ADD1: variants seen among roughly 807,000 people sequenced by gnomAD.
The protein encoded by ADD1 is alpha-adducin.
In ADD1, 24 loss-of-function variants were observed where a neutral mutation model predicts 80.5. The observed-to-expected ratio is 0.30, with a 90% CI of 0.22 to 0.42. The LOEUF is 0.42. ADD1 is among the 10% of genes least tolerant of loss of function. ADD1 has a pLI of 1.00. For synonymous variants in ADD1, 373 were observed against 393.8 expected, an observed-to-expected ratio of 0.95 and a Z score of 0.63; for missense variants, 948 against 1,019.0, an observed-to-expected ratio of 0.93 and a Z score of 0.95.
chr4:2,892,939 C>T (rs968188307), intron 4 of ADD1, among the ~76,000 whole-genome samples: 13 of 151,052 alleles, frequency 8.6e-5, no homozygotes, highest in Admixed American at 3.3e-4. Flanking sequence ...TTTTTTGAGA[C>T]AGGGTCTTGT....
chr4:2,926,476 G>A lies in ADD1; in HGVS notation c.2047+364G>A, dbSNP rs1267041188. On this transcript the variant is annotated intron_variant, in intron 15 of 15. Coordinates refer to ENST00000683351, the MANE Select transcript of ADD1 (RefSeq NM_001354761.2). This position sits in a 1 kb window ranked among gnomAD's most constrained non-coding sequence, Gnocchi z 5.0. ...ACGCCGGCTGCCTCTCAGCCACCGT[G>A]TGTCTGTGGTGTGTGATCCCGGGTG... 6.6e-6 allele frequency: 5 copies of A among 754,028 alleles called. No individual in the cohort carries two copies. In the East Asian group the frequency reaches 1.1e-4, roughly 16 times the overall value. 46.7% of individuals were successfully genotyped at this position (754,028 alleles called of 1,614,324 possible).
In ADD1 at chr4:2,905,003, G is replaced by T; in HGVS notation, c.1401G>T (p.Lys467Asn). Residue 467 changes from lysine (K) to asparagine (N), a missense_variant, in exon 10 of 16, where the codon AAG becomes AAT. By Grantham distance (94) the Lys-to-Asn change is moderately conservative. Coordinates refer to ENST00000683351, the MANE Select transcript of ADD1 (RefSeq NM_001354761.2). ...SEEGQNGSSP[K>N]SKTKVWTNIT... ...AAGGGCAGAATGGAAGCAGTCCCAA[G>T]TCGAAGACTAAGGTGTGGACGAACA... 1 of 1,614,210 alleles carries T rather than the reference G, an allele frequency of 6.2e-7. No individual in the cohort carries two copies. The highest frequency in any genetic ancestry group is 8.5e-7 in the Non-Finnish European group (1 of 1,180,046).
At chr4:2,912,247 G>C (rs114142585) in intron 13 of ADD1, among the ~76,000 whole-genome samples, 225 of 152,348 alleles carry the variant, frequency 1.5e-3, no homozygotes, top group African/African-American at 5.0e-3. Context: ...TTGGTTTCTT[G>C]TCTGGGTTGT....
intron 14 of ADD1, among the ~76,000 whole-genome samples, chr4:2,923,557 G>T (rs1440348686): frequency 6.6e-6 from 1 of 152,270 alleles, no homozygotes; most frequent in Non-Finnish European, 1.5e-5. Flanking sequence ...CTCACTGGGA[G>T]CTGCAGATCG....
At chr4:2,890,608 C>T (rs1323650831) in intron 4 of ADD1, among the ~76,000 whole-genome samples, 1 of 152,054 alleles carries the variant, frequency 6.6e-6, no homozygotes, top group Non-Finnish European at 1.5e-5. Flanking sequence ...CAGGGTTTCA[C>T]CATTTTAGCC....
intron 14 of ADD1, among the ~76,000 whole-genome samples, chr4:2,925,708 C>T (rs1022030486): frequency 3.3e-5 from 5 of 152,150 alleles, no homozygotes; most frequent in African/African-American, 7.2e-5. Flanking sequence ...CACAGGACAG[C>T]GGGGGACAGG....
intron 13 of ADD1, among the ~76,000 whole-genome samples, chr4:2,910,661 G>T: frequency 6.6e-6 from 1 of 152,206 alleles, no homozygotes. Flanking sequence ...CCAGAAAGCA[G>T]CCTGGGTCGC....
chr4:2,866,693 G>A (rs1034100182), intron 1 of ADD1, among the ~76,000 whole-genome samples: 1 of 152,138 alleles, frequency 6.6e-6, no homozygotes, highest in Non-Finnish European at 1.5e-5. Context: ...TTGATTTTCT[G>A]TGCTGCAATA....
chr4:2,852,204 T>C (rs3964322), intron 1 of ADD1, among the ~76,000 whole-genome samples: 10,212 of 45,556 alleles, frequency 0.22, 511 homozygotes, highest in Middle Eastern at 0.42. Context: ...CTTTCCTTTC[T>C]TTCCTTTCCT....
chr4:2,866,023 C>T (rs1030241181), intron 1 of ADD1, among the ~76,000 whole-genome samples: 1 of 152,042 alleles, frequency 6.6e-6, no homozygotes, highest in Admixed American at 6.6e-5. Context: ...TGCTCAATTG[C>T]GAGATAGCAT....
intron 1 of ADD1, among the ~76,000 whole-genome samples, chr4:2,856,749 T>G (rs956945967): frequency 1.8e-4 from 27 of 148,442 alleles, no homozygotes; most frequent in African/African-American, 6.7e-4. Flanking sequence ...CACCACCATA[T>G]CTGGCTAATT....
intron 14 of ADD1, among the ~76,000 whole-genome samples, chr4:2,925,651 C>T (rs1412643801): frequency 3.9e-5 from 6 of 152,206 alleles, no homozygotes; most frequent in Non-Finnish European, 8.8e-5. Context: ...GGACCCTCAG[C>T]CACCTGCTCA....
intron 13 of ADD1, among the ~76,000 whole-genome samples, chr4:2,912,583 G>A (rs1484126636): frequency 3.9e-5 from 6 of 152,144 alleles, no homozygotes; most frequent in African/African-American, 1.4e-4. Context: ...CTGGAGTGCA[G>A]TAGTGCAATC....
chr4:2,925,926 G>A (rs752546286), intron 14 of ADD1, 88 bp from the exon 15 acceptor site: 50 of 1,128,504 alleles, frequency 4.4e-5, no homozygotes, highest in Non-Finnish European at 6.1e-5. Context: ...GGGCGGCCGA[G>A]CGGGCTGCCC....
rs148323611 is a variant in ADD1, at chr4:2,909,541, A to G, written c.1791+110A>G. 1.3e-4 allele frequency: 101 copies of G among 749,848 alleles called. 1 individual carries two copies. The highest frequency in any genetic ancestry group is 1.0e-3 in the Admixed American group (43 of 43,044). The allele number at this position is 749,848 out of a possible 1,614,324, so 46.4% of individuals were successfully genotyped here. ...GTCTTAGTTACTGAAGTAGCTTCAA[A>G]TGGATCTTTAACCTGTTTGTGAGAT... On this transcript the variant is annotated intron_variant, in intron 13 of 15. Transcript: ENST00000683351.
intron 4 of ADD1, among the ~76,000 whole-genome samples, chr4:2,887,130 T>G (rs1292600627): frequency 2.0e-5 from 3 of 152,184 alleles, no homozygotes; most frequent in Non-Finnish European, 4.4e-5. Context: ...TAAAAAGAAA[T>G]GCAAGTTACC....
chr4:2,898,982 G>T, intron 8 of ADD1: 1 of 436,002 alleles, frequency 2.3e-6, no homozygotes, highest in Non-Finnish European at 4.1e-6. Context: ...CTTGACTTAT[G>T]TCTGTGGCGT....
chr4:2,854,856 C>A (rs770214827), intron 1 of ADD1: 15 of 152,158 alleles, frequency 9.9e-5, no homozygotes, highest in Non-Finnish European at 1.9e-4. Context: ...TCTCATAGTT[C>A]TGGAGGCCAG....
chr4:2,884,763 C>T, intron 4 of ADD1, 97 bp downstream of exon 4: 1 of 1,376,068 alleles, frequency 7.3e-7, no homozygotes, highest in Non-Finnish European at 9.8e-7. Flanking sequence ...GCAGGCTGAG[C>T]TTCAGTAAGT....
Sources: allele counts gnomAD v4.1 joint callset (sites outside exome capture counted in the v4.1 genomes callset), GRCh38; gene constraint gnomAD v4.1.1; non-coding constraint Gnocchi (gnomAD v3.1); transcripts MANE v1.5; gene names NCBI Gene and HGNC (gene_info 2026-07-23, HGNC 2026-07-21).